The following CRKL variants were observed in gnomAD, a reference collection of about 807,000 sequenced individuals.
The protein encoded by CRKL is crk-like protein.
CRKL carries 3 observed loss-of-function variants against 23.0 expected under a neutral mutation model. The observed-to-expected ratio is 0.13, with a 90% CI of 0.06 to 0.34. CRKL has a LOEUF of 0.34. Among genes scored for constraint, CRKL ranks in the 10% least tolerant of loss-of-function variants. CRKL has a pLI of 1.00. For synonymous variants in CRKL, 188 were observed against 160.7 expected (o/e 1.17, Z -1.28); for missense variants, 256 against 394.5 (o/e 0.65, Z 2.97).
chr22:20,953,684 CT>C lies in CRKL; in HGVS notation c.*3841del, dbSNP rs1922361018. ...CGTTACTGGTCCCAGCATCAAAACCCTTGTTTCCATGGCCTGTTTGTATATT... is the reference window on the plus strand; with the variant it reads ...CGTTACTGGTCCCAGCATCAAAACCCTGTTTCCATGGCCTGTTTGTATATT... On this transcript the variant is annotated 3_prime_UTR_variant, in exon 3 of 3. Coordinates refer to ENST00000354336, the MANE Select transcript of CRKL (RefSeq NM_005207.4). 1 of 195,126 alleles carries C rather than the reference CT, an allele frequency of 5.1e-6. No individual in the cohort carries two copies. The highest frequency in any genetic ancestry group is 1.1e-5 in the Non-Finnish European group (1 of 93,822). The allele number at this position is 195,126 out of a possible 1,614,324, so 12.1% of individuals were successfully genotyped here. A position where few individuals can be genotyped will look rare whatever the true frequency, so the allele number is the denominator to read the frequency against.
intron 1 of CRKL, among the ~76,000 whole-genome samples, chr22:20,928,837 AG>A (rs1376857276): frequency 1.4e-5 from 2 of 145,750 alleles, no homozygotes; most frequent in East Asian, 2.2e-4. Context: ...AAAAAAAAAA[AG>A]GAATATTACC....
intron 2 of CRKL, among the ~76,000 whole-genome samples, chr22:20,944,805 G>A (rs1316801786): frequency 6.6e-6 from 1 of 151,242 alleles, no homozygotes; most frequent in Non-Finnish European, 1.5e-5. Context: ...CCAGGCTAGA[G>A]TGCAGTGGCA....
Position 20,917,622 on chromosome 22 carries a change from C to G in CRKL, c.-313C>G, listed in dbSNP as rs1435673737. The G allele has an allele frequency of 4.9e-6, 2 of 410,692 alleles. No individual in the cohort carries two copies. The highest frequency in any genetic ancestry group is 2.1e-5 in the African/African-American group (1 of 47,834). The allele number at this position is 410,692 out of a possible 1,614,324, so 25.4% of individuals were successfully genotyped here. A position where few individuals can be genotyped will look rare whatever the true frequency, so the allele number is the denominator to read the frequency against. ...AGGCCGGGAGTCACTGGAGGCACCC[C>G]TGGGACGCCGAGCAGCCCGAGAACC... is the stretch of plus-strand genomic sequence containing the variant. On this transcript the variant is annotated 5_prime_UTR_variant, in exon 1 of 3. Coordinates refer to ENST00000354336, the MANE Select transcript of CRKL (RefSeq NM_005207.4).
intron 2 of CRKL, among the ~76,000 whole-genome samples, chr22:20,936,826 A>C (rs942799300): frequency 3.3e-5 from 5 of 150,864 alleles, no homozygotes; most frequent in African/African-American, 1.2e-4. Flanking sequence ...GCCTCCACAG[A>C]TAGGAGTGCT....
At chr22:20,927,215 C>G (rs191858857) in intron 1 of CRKL, among the ~76,000 whole-genome samples, 1 of 9,028 alleles carries the variant, frequency 1.1e-4, no homozygotes, top group African/African-American at 3.5e-4. Context: ...TTTTTTGAGA[C>G]AGTGTCGCTC....
At chr22:20,949,584 AGAGT>A in intron 2 of CRKL, 123 bp from the exon 3 acceptor site, 1 of 1,296,162 alleles carries the variant, frequency 7.7e-7, no homozygotes, top group Non-Finnish European at 1.1e-6. Flanking sequence ...CATGGCTAAC[AGAGT>A]GAGACCCTGT....
At chr22:20,937,855 C>CT (rs1406257603) in intron 2 of CRKL, among the ~76,000 whole-genome samples, 1 of 151,842 alleles carries the variant, frequency 6.6e-6, no homozygotes, top group Non-Finnish European at 1.5e-5. Context: ...TTAAATGAAA[C>CT]TTTAGGTTAT....
rs1055992294 is a variant in CRKL at position 20,919,938 on chromosome 22, G to A, written c.311+1693G>A. ...AGAAAGTGATTATAAATCAAATACT[G>A]TATAACAAAGACCAGGACACCAAGA... On this transcript the variant is annotated intron_variant, in intron 1 of 2. Transcript: ENST00000354336. Among the ~76,000 whole-genome samples the A allele has an allele frequency of 5.3e-5, 8 of 152,244 alleles. No homozygotes were observed. The East Asian group carries it at 1.5e-3, about 29-fold the overall frequency.
rs2147905944 is a variant in CRKL at position 20,934,196 on chromosome 22, C to A, written c.729C>A (p.Ile243=). The stretch of plus-strand genomic sequence containing the variant: ...ATGGACCTGTCTTTGCGAAAGCAAT[C>A]CAGAAAAGAGTACCCTGTGCTTATG... ...TQNGPVFAKA[I]QKRVPCAYDK... is the part of the protein sequence containing the mutation. Residue 243 remains isoleucine, a synonymous_variant, in exon 2 of 3, where the codon ATC becomes ATA. Transcript: ENST00000354336. The A allele has an allele frequency of 6.2e-7, 1 of 1,614,206 alleles. No individual in the cohort carries two copies. The highest frequency in any genetic ancestry group is 8.5e-7 in the Non-Finnish European group (1 of 1,180,044).
chr22:20,931,085 G>A (rs1569133991), intron 1 of CRKL, among the ~76,000 whole-genome samples: 1 of 152,128 alleles, frequency 6.6e-6, no homozygotes, highest in East Asian at 1.9e-4. Context: ...GTACTTACTG[G>A]ACTGTTCACA....
intron 2 of CRKL, 152 bp from the exon 3 acceptor site, chr22:20,949,559 A>G (rs1414945737): frequency 2.9e-6 from 3 of 1,027,080 alleles, no homozygotes; most frequent in Non-Finnish European, 4.2e-6. Flanking sequence ...CAGGGATCTC[A>G]CCACTACACT....
chr22:20,943,520 G>T (rs1459249478), intron 2 of CRKL, among the ~76,000 whole-genome samples: 1 of 152,158 alleles, frequency 6.6e-6, no homozygotes, highest in African/African-American at 2.4e-5. Context: ...GATTACAGGC[G>T]TGCGCCACCA....
intron 2 of CRKL, among the ~76,000 whole-genome samples, chr22:20,948,802 A>T (rs1265628563): frequency 3.9e-5 from 6 of 152,078 alleles, no homozygotes; most frequent in African/African-American, 1.2e-4. Flanking sequence ...GCCTGGTTCT[A>T]TATGTGTTTA....
intron 2 of CRKL, among the ~76,000 whole-genome samples, chr22:20,936,606 C>A (rs1214526756): frequency 6.6e-6 from 1 of 152,170 alleles, no homozygotes; most frequent in African/African-American, 2.4e-5. Flanking sequence ...CCACCTCGGC[C>A]TCCCAAAGTG....
rs1489242862 is a variant in CRKL, at chr22:20,950,608, T to G, written c.*763T>G. On this transcript the variant is annotated 3_prime_UTR_variant, in exon 3 of 3. Coordinates refer to ENST00000354336, the MANE Select transcript of CRKL (RefSeq NM_005207.4). The stretch of plus-strand genomic sequence containing the variant: ...TTGTATTTTTAGTAGAGACGGGGTT[T>G]CATCATGTTGACCAGGCTGGTCTCA... 9.3e-6 allele frequency: 2 copies of G among 215,552 alleles called. No homozygotes were observed. Among genetic ancestry groups the G allele is most frequent in the African/African-American group, 4.5e-5 (2 of 44,334 alleles). 13.4% of individuals were successfully genotyped at this position (215,552 alleles called of 1,614,324 possible).
rs1260707544 is a variant in CRKL at position 20,950,045 on chromosome 22, G to T, written c.*200G>T. ...TGTATCATAGTCGTATTGTCAAAGA[G>T]TAGCCGATTTTAGAGTTCTTTTGGA... On this transcript the variant is annotated 3_prime_UTR_variant, in exon 3 of 3. Transcript: ENST00000354336. 1.6e-6 allele frequency: 1 copy of T among 617,328 alleles called. No individual in the cohort carries two copies. The allele number at this position is 617,328 out of a possible 1,614,324, so 38.2% of individuals were successfully genotyped here.
In CRKL at chr22:20,917,890, G is replaced by A. The variant is rs1409230761; in HGVS notation, c.-45G>A. Reference sequence around the variant, plus strand: ...GGGCTAAGGCGTGCAGAGCAGGCGAGGACAGCCGCCGCCCCTACCGCCGCA... The same window carrying A: ...GGGCTAAGGCGTGCAGAGCAGGCGAAGACAGCCGCCGCCCCTACCGCCGCA... On this transcript the variant is annotated 5_prime_UTR_variant, in exon 1 of 3. Transcript: ENST00000354336. The A allele has an allele frequency of 2.5e-6, 4 of 1,582,668 alleles. No homozygotes were observed. Among genetic ancestry groups the A allele is most frequent in the Non-Finnish European group, 3.4e-6 (4 of 1,163,746 alleles).
chr22:20,927,111 CAAAAAAAAAAAAAA>C lies in CRKL; in HGVS notation c.312-6656_312-6643del, dbSNP rs371278201. On this transcript the variant is annotated intron_variant, in intron 1 of 2. Coordinates refer to ENST00000354336, the MANE Select transcript of CRKL (RefSeq NM_005207.4). ...TGGGTGACAGAGCAAGACTCCGTCT[CAAAAAAAAAAAAAA>C]AAAAAAAAAAAGAATGGTGGTTAAA... 2.3e-4 allele frequency among the ~76,000 whole-genome samples: 11 copies of C among 48,528 alleles called. 1 individual carries two copies. Among genetic ancestry groups the C allele is most frequent in the Admixed American group, 1.8e-3 (4 of 2,280 alleles). 31.8% of individuals were successfully genotyped at this position (48,528 alleles called of 152,430 possible). A position where few individuals can be genotyped will look rare whatever the true frequency, so the allele number is the denominator to read the frequency against.
At chr22:20,930,680 C>CTTTT (rs151090592) in intron 1 of CRKL, among the ~76,000 whole-genome samples, 1 of 48,050 alleles carries the variant, frequency 2.1e-5, no homozygotes, top group African/African-American at 9.2e-5. Flanking sequence ...ACACGCCTGG[C>CTTTT]TTTTTTTTTT....
Sources: gnomAD v4.1 joint callset for allele counts (sites outside exome capture counted in the v4.1 genomes callset) on GRCh38, gnomAD v4.1.1 for gene constraint, MANE v1.5 for transcripts, NCBI Gene and HGNC (gene_info 2026-07-23, HGNC 2026-07-21) for gene names.